The following LOXHD1 variants were observed in gnomAD, a reference collection of about 807,000 sequenced individuals.
LOXHD1 encodes lipoxygenase homology PLAT domains 1.
In LOXHD1, 205 loss-of-function variants were observed where a neutral mutation model predicts 248.2. The observed-to-expected ratio is 0.83, with a 90% CI of 0.74 to 0.93. LOXHD1 has a LOEUF of 0.93. Among genes scored for constraint, LOXHD1 ranks in the 40% least tolerant of loss-of-function variants. The probability of loss-of-function intolerance (pLI) is 0.00; values close to 1 mark genes in which losing one functional copy is unlikely to be tolerated. For synonymous variants in LOXHD1, 1,113 were observed against 1,162.8 expected, an observed-to-expected ratio of 0.96 and a Z score of 0.87; for missense variants, 2,930 against 2,971.6, an observed-to-expected ratio of 0.99 and a Z score of 0.33.
intron 37 of LOXHD1, among the ~76,000 whole-genome samples, chr18:46,494,892 C>T (rs9807123): frequency 0.38 from 49,023 of 130,426 alleles, 9,986 homozygotes; most frequent in East Asian, 0.62. Context: ...CTCGCTCTGT[C>T]GCCCAGGCTG....
At chr18:46,585,200 A>G (rs2038036976) in intron 12 of LOXHD1, among the ~76,000 whole-genome samples, 1 of 152,166 alleles carries the variant, frequency 6.6e-6, no homozygotes, top group African/African-American at 2.4e-5. Context: ...TGGAGATTTC[A>G]GCCAAGGCAA....
intron 25 of LOXHD1, 39 bp downstream of exon 25, chr18:46,541,737 C>T (rs541626731): frequency 1.3e-6 from 2 of 1,550,370 alleles, no homozygotes; most frequent in Non-Finnish European, 1.7e-6. Context: ...GGTGATGGGG[C>T]CCCAGAGAAG....
intron 33 of LOXHD1, among the ~76,000 whole-genome samples, chr18:46,519,973 G>T (rs1191160068): frequency 6.6e-6 from 1 of 152,186 alleles, no homozygotes; most frequent in African/African-American, 2.4e-5. Flanking sequence ...GGCTCCAAGG[G>T]AGCTGCAGCT....
chr18:46,593,907 C>T lies in LOXHD1; in HGVS notation c.1271-147G>A, dbSNP rs928237471. 3.0e-5 allele frequency: 23 copies of T among 777,600 alleles called. No homozygotes were observed. The African/African-American group carries it at 3.5e-4, about 12-fold the overall frequency. 48.2% of individuals were successfully genotyped at this position (777,600 alleles called of 1,614,324 possible). On this transcript the variant is annotated intron_variant, in intron 9 of 40. Transcript: ENST00000642948. ...TCCCACTCTCAGAAACCCATTATAG[C>T]CAAATTTAGAAAGCTAAGGATTCCT...
intron 14 of LOXHD1, among the ~76,000 whole-genome samples, chr18:46,574,349 C>T (rs1415041980): frequency 2.1e-5 from 3 of 144,612 alleles, no homozygotes; most frequent in African/African-American, 7.8e-5. Context: ...GATTTTATTA[C>T]TCTTTCTCTG....
At chr18:46,484,738 T>A (rs1598814450) in intron 39 of LOXHD1, among the ~76,000 whole-genome samples, 1 of 152,076 alleles carries the variant, frequency 6.6e-6, no homozygotes, top group Non-Finnish European at 1.5e-5. Context: ...TGGAAGGAGG[T>A]GTGGTCCTTG....
intron 39 of LOXHD1, 39 bp from the exon 40 acceptor site, chr18:46,483,784 C>T (rs1430352445): frequency 1.3e-6 from 2 of 1,539,376 alleles, no homozygotes; most frequent in South Asian, 2.4e-5. Flanking sequence ...GCTGCCTTTG[C>T]CCACTGAAGC....
At position 46,483,765 on chromosome 18, in the gene LOXHD1, G is replaced by A. The variant is rs1487887237; in HGVS notation, c.6183-20C>T. 1 of 1,548,900 alleles carries A rather than the reference G, an allele frequency of 6.5e-7. No individual in the cohort carries two copies. The highest frequency in any genetic ancestry group is 2.0e-5 in the Admixed American group (1 of 50,958). On this transcript the variant is annotated intron_variant, in intron 39 of 40. Coordinates refer to ENST00000642948, the MANE Select transcript of LOXHD1 (RefSeq NM_001384474.1). ...GTCCCCCTGCAGGAAACAAAAGTGT[G>A]GTCCATGAGCTGCCTTTGCCCACTG...
intron 2 of LOXHD1, among the ~76,000 whole-genome samples, chr18:46,643,688 G>A (rs1180007174): frequency 6.6e-6 from 1 of 152,024 alleles, no homozygotes; most frequent in Admixed American, 6.5e-5. Context: ...CAAAAAAAAA[G>A]GAATAAGAGG....
intron 14 of LOXHD1, among the ~76,000 whole-genome samples, chr18:46,576,156 T>TA (rs893450386): frequency 6.6e-6 from 1 of 152,368 alleles, no homozygotes; most frequent in African/African-American, 2.4e-5. Flanking sequence ...CTCTAGACTA[T>TA]AAACTCCATG....
At chr18:46,533,049 C>A in intron 28 of LOXHD1, 113 bp downstream of exon 28, 1 of 1,192,422 alleles carries the variant, frequency 8.4e-7, no homozygotes. Context: ...GTGGAGGTAA[C>A]AACAGACCCT....
rs2032080752 is a variant in LOXHD1 at position 46,477,298 on chromosome 18, C to T, written c.*174G>A. On this transcript the variant is annotated 3_prime_UTR_variant, in exon 41 of 41. Transcript: ENST00000642948. The stretch of plus-strand genomic sequence containing the variant: ...TTATGACACATGCTAATTATTATCA[C>T]TGTAGGTTCAATAAACTGGGGGTAG... 2.3e-6 allele frequency: 2 copies of T among 857,544 alleles called. No homozygotes were observed. The highest frequency in any genetic ancestry group is 1.7e-5 in the African/African-American group (1 of 59,962). 53.1% of individuals were successfully genotyped at this position (857,544 alleles called of 1,614,324 possible). A position where few individuals can be genotyped will look rare whatever the true frequency, so the allele number is the denominator to read the frequency against.
intron 21 of LOXHD1, among the ~76,000 whole-genome samples, chr18:46,549,758 A>G (rs1204933600): frequency 6.6e-6 from 1 of 152,258 alleles, no homozygotes; most frequent in African/African-American, 2.4e-5. Context: ...GCCACATGAA[A>G]CAATATTCAA....
chr18:46,558,882 C>T lies in LOXHD1; in HGVS notation c.3216+566G>A, dbSNP rs914772304. Reference sequence around the variant, plus strand: ...TTGTCTCTTAAGCCTCTCATGACCCCACCCACCCCACACCCTAAATTGTTC... The same window carrying T: ...TTGTCTCTTAAGCCTCTCATGACCCTACCCACCCCACACCCTAAATTGTTC... On this transcript the variant is annotated intron_variant, in intron 20 of 40. Coordinates refer to ENST00000642948, the MANE Select transcript of LOXHD1 (RefSeq NM_001384474.1). Among the ~76,000 whole-genome samples, 9 of 152,082 alleles carry T rather than the reference C, an allele frequency of 5.9e-5. No individual in the cohort carries two copies. In the East Asian group the frequency reaches 1.7e-3, roughly 29 times the overall value.
rs374211819 is a variant in LOXHD1 at position 46,559,379 on chromosome 18, C to T, written c.3216+69G>A. ...ACAGCAGCCATTGTGCTGCGATGGG[C>T]TGCCATGGGAATCTCAGAGGGCACC... On this transcript the variant is annotated intron_variant, in intron 20 of 40. Coordinates refer to ENST00000642948, the MANE Select transcript of LOXHD1 (RefSeq NM_001384474.1). 35 of 1,550,604 alleles carry T rather than the reference C, an allele frequency of 2.3e-5. No homozygotes were observed. In the African/African-American group the frequency reaches 3.1e-4, roughly 14 times the overall value.
Position 46,617,239 on chromosome 18 carries a change from C to G in LOXHD1, c.610+953G>C, listed in dbSNP as rs767435032. On this transcript the variant is annotated intron_variant, in intron 5 of 40. Coordinates refer to ENST00000642948, the MANE Select transcript of LOXHD1 (RefSeq NM_001384474.1). ...TCAGTATTTTTTTTAAAATTTAGAG[C>G]TCTTGCCAAGAAACATTTACTGTAC... 6.0e-4 allele frequency among the ~76,000 whole-genome samples: 91 copies of G among 152,094 alleles called. 1 individual carries two copies. The highest frequency in any genetic ancestry group is 3.2e-3 in the Middle Eastern group (1 of 316).
At chr18:46,611,994 C>T (rs553491) in intron 5 of LOXHD1, among the ~76,000 whole-genome samples, 1 of 152,140 alleles carries the variant, frequency 6.6e-6, no homozygotes, top group African/African-American at 2.4e-5. Flanking sequence ...ATCATTGTCA[C>T]ATACCCTTAT....
intron 13 of LOXHD1, 21 bp downstream of exon 13, chr18:46,579,609 G>A (rs1007360673): frequency 4.5e-6 from 7 of 1,551,598 alleles, no homozygotes; most frequent in Non-Finnish European, 8.7e-7. Flanking sequence ...GGGATGAGTG[G>A]GGCACATTGC....
intron 4 of LOXHD1, among the ~76,000 whole-genome samples, chr18:46,618,942 T>C (rs2038629037): frequency 1.3e-5 from 2 of 152,210 alleles, no homozygotes; most frequent in African/African-American, 4.8e-5. Context: ...GAACAAAACT[T>C]AATCCCCTGT....
Sources: gnomAD v4.1 joint callset for allele counts (sites outside exome capture counted in the v4.1 genomes callset) on GRCh38, gnomAD v4.1.1 for gene constraint, MANE v1.5 for transcripts, NCBI Gene and HGNC (gene_info 2026-07-23, HGNC 2026-07-21) for gene names.